CELF2: variants seen among roughly 807,000 people sequenced by gnomAD.
CELF2 encodes the protein CUG triplet repeat RNA-binding protein 2.
A neutral mutation model predicts 62.6 loss-of-function variants in CELF2; 8 were observed. The observed-to-expected ratio is 0.13, with a 90% confidence interval of 0.07 to 0.23. The LOEUF is 0.23. CELF2 is among the 10% of genes least tolerant of loss of function. The pLI is 1.00. For missense variants in CELF2, 333 were observed against 671.0 expected, an observed-to-expected ratio of 0.50 and a Z score of 5.56; for synonymous variants, 258 against 250.0, an observed-to-expected ratio of 1.03 and a Z score of -0.30.
At chr10:10,635,885 CTG>C in the CELF2 span, among the ~76,000 whole-genome samples, 1 of 152,208 alleles carries the variant, frequency 6.6e-6, no homozygotes, top group Non-Finnish European at 1.5e-5. Context: ...GCTGTGGCAA[CTG>C]TGATACTGTA....
chr10:10,726,083 G>C, the CELF2 span, among the ~76,000 whole-genome samples: 1 of 152,170 alleles, frequency 6.6e-6, no homozygotes. Context: ...AGCAGCTGCA[G>C]CCTCAGTCAC....
the CELF2 span, among the ~76,000 whole-genome samples, chr10:10,773,210 C>T: frequency 7.9e-5 from 12 of 151,982 alleles, no homozygotes; most frequent in Admixed American, 2.6e-4. Context: ...TTATATTGAC[C>T]CACCTTTTAA....
At chr10:10,781,856 A>G in the CELF2 span, among the ~76,000 whole-genome samples, 1 of 152,240 alleles carries the variant, frequency 6.6e-6, no homozygotes, top group Admixed American at 6.5e-5. Context: ...CCCTGTATCC[A>G]TACTACAACT....
intron 1 of CELF2, among the ~76,000 whole-genome samples, chr10:10,832,348 G>T (rs1332741939): frequency 2.6e-5 from 4 of 152,116 alleles, no homozygotes; most frequent in African/African-American, 9.7e-5. Flanking sequence ...TGTGGAAATG[G>T]TCTGAACACA....
At chr10:10,889,970 A>G (rs989178958) in intron 1 of CELF2, among the ~76,000 whole-genome samples, 1 of 152,218 alleles carries the variant, frequency 6.6e-6, no homozygotes, top group African/African-American at 2.4e-5. Context: ...GATGTGGATC[A>G]ACATTCATCT....
the CELF2 span, among the ~76,000 whole-genome samples, chr10:10,604,278 G>T: frequency 2.0e-5 from 3 of 152,202 alleles, no homozygotes; most frequent in Non-Finnish European, 4.4e-5. Context: ...AGATACGATA[G>T]ATTTCGCATT....
chr10:10,814,784 C>A (rs1365105219), intron 1 of CELF2, among the ~76,000 whole-genome samples: 1 of 152,204 alleles, frequency 6.6e-6, no homozygotes, highest in Non-Finnish European at 1.5e-5. Flanking sequence ...ATTTTAGGAA[C>A]TATCTCCAAT....
Position 11,266,609 on chromosome 10 carries a change from G to C in CELF2, c.550G>C (p.Val184Leu). Residue 184 changes from valine to leucine, a missense_variant, in exon 6 of 13, where the codon GTC (valine) becomes CTC (leucine). Transcript: ENST00000633077. ...CTTGTTTCCCACAGGCTGTGCGTTT[G>C]TCACATTTTCTACAAGGGCAATGGC... ...PDGLSRGCAF[V>L]TFSTRAMAQN... The C allele has an allele frequency of 6.2e-7, 1 of 1,613,880 alleles. No individual in the cohort carries two copies. Among genetic ancestry groups the C allele is most frequent in the Non-Finnish European group, 8.5e-7 (1 of 1,179,844 alleles).
At chr10:11,065,172 G>T (rs754592002) in intron 1 of CELF2, among the ~76,000 whole-genome samples, 1 of 152,198 alleles carries the variant, frequency 6.6e-6, no homozygotes, top group Non-Finnish European at 1.5e-5. Context: ...CTTTGGAGAG[G>T]TGGTCAGTGT....
chr10:11,204,964 A>G (rs1172732825), intron 2 of CELF2, among the ~76,000 whole-genome samples: 1 of 152,040 alleles, frequency 6.6e-6, no homozygotes, highest in African/African-American at 2.4e-5. Flanking sequence ...ATTTCAAATA[A>G]CAAACTGTTT....
At chr10:10,542,934 T>C in the CELF2 span, among the ~76,000 whole-genome samples, 1 of 152,232 alleles carries the variant, frequency 6.6e-6, no homozygotes. Flanking sequence ...TATTAATATA[T>C]GACCAGGCCA....
chr10:10,921,385 C>T (rs1311739416), intron 2 of CELF2, among the ~76,000 whole-genome samples: 1 of 152,218 alleles, frequency 6.6e-6, no homozygotes, highest in Non-Finnish European at 1.5e-5. Context: ...TCTCCTGCCT[C>T]AGCCTCCTGA....
At chr10:11,013,501 G>C (rs1021881243), upstream of CELF2, among the ~76,000 whole-genome samples, 12 of 152,096 alleles carry the variant, frequency 7.9e-5, no homozygotes, top group Admixed American at 5.9e-4. The surrounding 1 kb of genome is among the most constrained non-coding windows in gnomAD (Gnocchi z 4.1). Flanking sequence ...CAGCTTGAAG[G>C]CCTCTTCACA....
At chr10:10,511,560 G>A in the CELF2 span, among the ~76,000 whole-genome samples, 2 of 152,148 alleles carry the variant, frequency 1.3e-5, no homozygotes, top group African/African-American at 4.8e-5. Flanking sequence ...GATAATGATA[G>A]TTAAGTAAAT....
intron 1 of CELF2, among the ~76,000 whole-genome samples, chr10:10,868,971 T>C (rs777381015): frequency 6.6e-6 from 1 of 152,236 alleles, no homozygotes; most frequent in African/African-American, 2.4e-5. Context: ...CTAATTAATG[T>C]GTACCACACA....
the CELF2 span, among the ~76,000 whole-genome samples, chr10:10,526,360 G>A: frequency 6.6e-6 from 1 of 152,180 alleles, no homozygotes; most frequent in Non-Finnish European, 1.5e-5. Flanking sequence ...AAGTCACACA[G>A]AGTAACATCA....
the CELF2 span, among the ~76,000 whole-genome samples, chr10:10,759,935 C>T: frequency 1.3e-5 from 2 of 151,990 alleles, no homozygotes; most frequent in Non-Finnish European, 1.5e-5. Flanking sequence ...GATGGAGTTT[C>T]GCTCTTGTTA....
intron 8 of CELF2, among the ~76,000 whole-genome samples, chr10:11,279,383 A>G (rs920072905): frequency 5.9e-5 from 9 of 152,210 alleles, no homozygotes; most frequent in African/African-American, 2.2e-4. Flanking sequence ...CTTGGTGTCT[A>G]GCACGAGTGG....
chr10:10,672,605 T>A, the CELF2 span, among the ~76,000 whole-genome samples: 7 of 152,204 alleles, frequency 4.6e-5, no homozygotes, highest in East Asian at 5.8e-4. Flanking sequence ...TCAGTTGCTA[T>A]GTTTATGTAG....
Sources: allele counts gnomAD v4.1 joint callset (sites outside exome capture counted in the v4.1 genomes callset), GRCh38; gene constraint gnomAD v4.1.1; non-coding constraint Gnocchi (gnomAD v3.1); transcripts MANE v1.5; gene names NCBI Gene and HGNC (gene_info 2026-07-23, HGNC 2026-07-21).